The following TRIM29 variants were observed in gnomAD, a reference collection of about 807,000 sequenced individuals.
TRIM29 encodes the protein tripartite motif-containing protein 29.
Under a neutral mutation model 57.3 loss-of-function variants are expected in TRIM29, and 52 were observed. The ratio of observed to expected loss-of-function variants is 0.91; its 90% CI spans 0.73 to 1.14. The LOEUF is 1.14. TRIM29 is among the 50% of genes most tolerant of loss of function. The pLI is 0.00. For synonymous variants in TRIM29, 319 were observed against 316.9 expected (o/e 1.01, Z -0.07); for missense variants, 753 against 774.6 (o/e 0.97, Z 0.33).
In TRIM29 at chr11:120,128,444, C is replaced by T. The variant is rs371461470; in HGVS notation, c.856G>A (p.Glu286Lys). The change falls in exon 2 of 9, where the codon GAG (glutamate) becomes AAG (lysine). Residue 286 changes from glutamate (E) to lysine (K), a missense_variant. Glu to Lys is a moderately conservative substitution (Grantham distance 56, BLOSUM62 1). Transcript: ENST00000341846. ...EQLQLKIIEIEDEAEKWQKEK... is the reference protein window; with the variant it reads ...EQLQLKIIEIKDEAEKWQKEK... The stretch of plus-strand genomic sequence containing the variant: ...TTCTGCCACTTCTCAGCTTCATCCT[C>T]AATCTCAATGATCTTGAGCTGCAGC... The T allele has an allele frequency of 1.2e-6, 2 of 1,612,478 alleles. No individual in the cohort carries two copies. Among genetic ancestry groups the T allele is most frequent in the Non-Finnish European group, 1.7e-6 (2 of 1,180,034 alleles).
intron 1 of TRIM29, among the ~76,000 whole-genome samples, chr11:120,131,529 C>T (rs543319140): frequency 1.9e-4 from 29 of 151,988 alleles, no homozygotes; most frequent in Non-Finnish European, 2.2e-4. Context: ...GAGACTTGGC[C>T]TCCTATTTCT....
intron 1 of TRIM29, among the ~76,000 whole-genome samples, chr11:120,136,818 A>C (rs1487502411): frequency 6.8e-6 from 1 of 147,896 alleles, no homozygotes; most frequent in African/African-American, 2.4e-5. Context: ...AAGAAGAAGA[A>C]GAGGAGGAAG....
intron 1 of TRIM29, among the ~76,000 whole-genome samples, chr11:120,131,969 G>A (rs1358417682): frequency 2.0e-5 from 3 of 150,648 alleles, no homozygotes; most frequent in Non-Finnish European, 3.0e-5. Flanking sequence ...TGTGAAAACC[G>A]AGGCCTATAA....
intron 6 of TRIM29, among the ~76,000 whole-genome samples, chr11:120,120,330 G>A (rs1218643384): frequency 6.9e-6 from 1 of 145,312 alleles, no homozygotes; most frequent in Non-Finnish European, 1.5e-5. Context: ...AACTAATGGT[G>A]TCCCCCACAC....
rs1454820158 is a variant in TRIM29 at position 120,137,432 on chromosome 11, C to T, written c.600G>A (p.Lys200=). Residue 200 remains lysine (K), a synonymous_variant, in exon 1 of 9, where the codon AAG becomes AAA. Transcript: ENST00000341846. The surrounding 1 kb of genome is among the most constrained non-coding windows in gnomAD (Gnocchi z 6.2). ...CQASFCELHL[K]PHLEGAAFRD... ...GGAAGGCGGCGCCCTCCAGGTGGGG[C>T]TTGAGATGCAGCTCGCAGAAGGAGG... The T allele has an allele frequency of 1.9e-6, 3 of 1,608,510 alleles. No individual in the cohort carries two copies. Among genetic ancestry groups the T allele is most frequent in the Non-Finnish European group, 2.5e-6 (3 of 1,179,994 alleles).
chr11:120,122,925 T>G (rs1863495277), intron 5 of TRIM29, 29 bp downstream of exon 5: 8 of 1,600,420 alleles, frequency 5.0e-6, no homozygotes, highest in Non-Finnish European at 6.8e-6. Flanking sequence ...GGAGAGACAC[T>G]AGGTCTGGGG....
chr11:120,128,985 C>T (rs570402085), intron 1 of TRIM29: 126 of 1,228,276 alleles, frequency 1.0e-4, no homozygotes, highest in Middle Eastern at 3.3e-4. Context: ...CCAGGGTTGC[C>T]GCCGGCGTGG....
chr11:120,129,988 C>G (rs1425827914), intron 1 of TRIM29, among the ~76,000 whole-genome samples: 1 of 152,126 alleles, frequency 6.6e-6, no homozygotes, highest in African/African-American at 2.4e-5. Context: ...GGCCCCATCT[C>G]TGGAAAAAAG....
chr11:120,112,084 G>C lies in TRIM29; in HGVS notation c.*330C>G, dbSNP rs1293895789. Reference sequence around the variant, plus strand: ...GGCTGATACCATGCGGGTACTCACTGCTAGCCCCCAGATCCAGCCCGAGAG... The same window carrying C: ...GGCTGATACCATGCGGGTACTCACTCCTAGCCCCCAGATCCAGCCCGAGAG... On this transcript the variant is annotated 3_prime_UTR_variant, in exon 9 of 9. Transcript: ENST00000341846. 2.9e-6 allele frequency: 1 copy of C among 343,962 alleles called. No individual in the cohort carries two copies. The highest frequency in any genetic ancestry group is 4.7e-5 in the Admixed American group (1 of 21,270). 21.3% of individuals were successfully genotyped at this position (343,962 alleles called of 1,614,324 possible).
In TRIM29 at chr11:120,137,572, G is replaced by T. The variant is rs2135035800; in HGVS notation, c.460C>A (p.Pro154Thr). Residue 154 changes from proline (P) to threonine (T), a missense_variant, in exon 1 of 9, where the codon CCC becomes ACC. Coordinates refer to ENST00000341846, the MANE Select transcript of TRIM29 (RefSeq NM_012101.4). The surrounding 1 kb of genome is among the most constrained non-coding windows in gnomAD (Gnocchi z 6.2). ...EPGETRRNSYPRADTGLFSRS... is the reference protein window; with the variant it reads ...EPGETRRNSYTRADTGLFSRS... The stretch of plus-strand genomic sequence containing the variant: ...GAAAAAAGGCCCGTGTCGGCCCGGG[G>T]GTAGCTGTTCCGCCGGGTCTCCCCG... The T allele has an allele frequency of 6.2e-7, 1 of 1,612,428 alleles. No homozygotes were observed. The highest frequency in any genetic ancestry group is 8.5e-7 in the Non-Finnish European group (1 of 1,180,002).
intron 8 of TRIM29, among the ~76,000 whole-genome samples, chr11:120,112,872 T>G (rs1034302572): frequency 2.0e-5 from 3 of 152,298 alleles, no homozygotes; most frequent in African/African-American, 7.2e-5. Context: ...ACTCATTTAA[T>G]TTTTACAACC....
chr11:120,129,389 C>T (rs917838498), intron 1 of TRIM29, among the ~76,000 whole-genome samples: 1 of 152,164 alleles, frequency 6.6e-6, no homozygotes, highest in African/African-American at 2.4e-5. Context: ...AAAGCCCCTT[C>T]TAGCATGGAC....
At chr11:120,122,103 C>G in intron 5 of TRIM29, 4 of 376,752 alleles carry the variant, frequency 1.1e-5, no homozygotes, top group South Asian at 7.6e-5. Context: ...CTCTCCAAAT[C>G]CCCCAAGCCT....
intron 7 of TRIM29, chr11:120,116,986 G>GTCCA (rs1863288438): frequency 2.3e-6 from 1 of 440,532 alleles, no homozygotes; most frequent in East Asian, 7.2e-5. Context: ...AGCCCACTGC[G>GTCCA]ACCCAGTGGT....
At chr11:120,127,092 AG>A (rs1863607051) in intron 3 of TRIM29, among the ~76,000 whole-genome samples, 1 of 152,218 alleles carries the variant, frequency 6.6e-6, no homozygotes, top group Admixed American at 6.5e-5. Flanking sequence ...AGTTGGTAAA[AG>A]GTGATATTTG....
At position 120,130,400 on chromosome 11, in the gene TRIM29, C is replaced by A. The variant is rs182102009; in HGVS notation, c.805-1905G>T. On this transcript the variant is annotated intron_variant, in intron 1 of 8. Coordinates refer to ENST00000341846, the MANE Select transcript of TRIM29 (RefSeq NM_012101.4). ...GGACAAGGTCTGATGGAAAGGAAAG[C>A]AGAGAACAAAACACAATCCCTCCCA... Among the ~76,000 whole-genome samples, 9 of 152,338 alleles carry A rather than the reference C, an allele frequency of 5.9e-5. 1 individual carries two copies. Among genetic ancestry groups the A allele is most frequent in the Admixed American group, 5.2e-4 (8 of 15,304 alleles).
At chr11:120,112,744 C>A (rs1174793438) in intron 8 of TRIM29, among the ~76,000 whole-genome samples, 1 of 152,078 alleles carries the variant, frequency 6.6e-6, no homozygotes. Context: ...TTACACTGGT[C>A]GAAATTTCTC....
intron 1 of TRIM29, 42 bp from the exon 2 acceptor site, chr11:120,128,537 G>C: frequency 6.3e-7 from 1 of 1,589,078 alleles, no homozygotes; most frequent in Non-Finnish European, 8.5e-7. Flanking sequence ...AGGGGGAGGA[G>C]ATGGAAGAGA....
chr11:120,125,554 G>A (rs944197342), intron 4 of TRIM29, 137 bp downstream of exon 4: 23 of 884,230 alleles, frequency 2.6e-5, no homozygotes, highest in African/African-American at 1.9e-4. Flanking sequence ...TAGTCCAAAC[G>A]GCCTGAGGAA....
Sources: allele counts gnomAD v4.1 joint callset (sites outside exome capture counted in the v4.1 genomes callset), GRCh38; gene constraint gnomAD v4.1.1; non-coding constraint Gnocchi (gnomAD v3.1); transcripts MANE v1.5; gene names NCBI Gene and HGNC (gene_info 2026-07-23, HGNC 2026-07-21).